Variants in CPEB3 observed in about 807,000 individuals in gnomAD.
The protein encoded by CPEB3 is cytoplasmic polyadenylation element binding protein 3, also known as cytoplasmic polyadenylation element-binding protein 3.
Under a neutral mutation model 67.2 loss-of-function variants are expected in CPEB3, and 20 were observed. The observed-to-expected ratio is 0.30, with a 90% CI of 0.21 to 0.43. The LOEUF (loss-of-function observed/expected upper bound fraction) is 0.43. Ranked by LOEUF, CPEB3 falls within the 20% of genes least tolerant of loss-of-function variation. CPEB3 has a pLI of 1.00. For synonymous variants in CPEB3, 376 were observed against 393.1 expected (o/e 0.96, Z 0.51); for missense variants, 746 against 968.6 (o/e 0.77, Z 3.05).
At chr10:92,163,718 A>G (rs1847606205) in intron 4 of CPEB3, among the ~76,000 whole-genome samples, 1 of 152,226 alleles carries the variant, frequency 6.6e-6, no homozygotes, top group African/African-American at 2.4e-5. Flanking sequence ...ATAATGGCAG[A>G]TAAGATACTT....
At position 92,091,957 on chromosome 10, in the gene CPEB3, T is replaced by C. The variant is rs1229578; in HGVS notation, c.1573-13A>G. On this transcript the variant is annotated splice_polypyrimidine_tract_variant and intron_variant, in intron 7 of 9. Coordinates refer to ENST00000265997, the MANE Select transcript of CPEB3 (RefSeq NM_014912.5). ...GTCGAATTTGCACCTGAAAAAAAGTTGTTTACTTGGTCCTTACTTCATTTC... is the reference window on the plus strand; with the variant it reads ...GTCGAATTTGCACCTGAAAAAAAGTCGTTTACTTGGTCCTTACTTCATTTC... 0.8 allele frequency: 1,251,140 copies of C among 1,563,814 alleles called. 506,049 individuals are homozygous for C. Among genetic ancestry groups the C allele is most frequent in the African/African-American group, 0.96 (71,025 of 74,006 alleles).
intron 9 of CPEB3, among the ~76,000 whole-genome samples, chr10:92,070,099 G>A (rs1459490838): frequency 6.6e-6 from 1 of 152,190 alleles, no homozygotes; most frequent in Non-Finnish European, 1.5e-5. Context: ...ATTTGAGCAT[G>A]AAAGAAGGAA....
At chr10:92,234,374 T>TA (rs1315421498) in intron 2 of CPEB3, among the ~76,000 whole-genome samples, 3 of 152,338 alleles carry the variant, frequency 2.0e-5, no homozygotes, top group African/African-American at 7.2e-5. Flanking sequence ...GTGGCATACT[T>TA]ACAGTCACTG....
rs565531653 is a variant in CPEB3 at position 92,194,463 on chromosome 10, T to C, written c.1006-1827A>G. The stretch of plus-strand genomic sequence containing the variant: ...AAAATTTAAAAATAAAAATGTGTTC[T>C]AAGTTGTATTCATGAAGATAATGGC... On this transcript the variant is annotated intron_variant, in intron 2 of 9. Coordinates refer to ENST00000265997, the MANE Select transcript of CPEB3 (RefSeq NM_014912.5). Among the ~76,000 whole-genome samples the C allele has an allele frequency of 2.8e-3, 421 of 152,050 alleles. 3 individuals carry two copies. The highest frequency in any genetic ancestry group is 9.8e-3 in the African/African-American group (405 of 41,482).
chr10:92,206,283 G>A (rs996576668), intron 2 of CPEB3, among the ~76,000 whole-genome samples: 3 of 151,926 alleles, frequency 2.0e-5, no homozygotes, highest in Non-Finnish European at 4.4e-5. Context: ...ATGTTGGTCA[G>A]GCTGGTCTCG....
At chr10:92,255,013 G>C (rs1182600258) in intron 1 of CPEB3, among the ~76,000 whole-genome samples, 2 of 151,870 alleles carry the variant, frequency 1.3e-5, no homozygotes, top group African/African-American at 4.8e-5. Context: ...CAGTTCTCTT[G>C]TCTGTAACTC....
At chr10:92,082,072 T>C (rs777101002) in intron 8 of CPEB3, among the ~76,000 whole-genome samples, 12 of 152,244 alleles carry the variant, frequency 7.9e-5, no homozygotes, top group Non-Finnish European at 1.6e-4. Context: ...GAACTCTCCA[T>C]ACTAACCTTT....
intron 1 of CPEB3, among the ~76,000 whole-genome samples, chr10:92,254,130 G>T (rs60079067): frequency 9.5e-4 from 145 of 152,054 alleles, no homozygotes; most frequent in African/African-American, 3.3e-3. Context: ...TCAGGAGGCT[G>T]AGGTGGGAGG....
At chr10:92,216,307 G>C in intron 2 of CPEB3, 1 of 1,575,228 alleles carries the variant, frequency 6.3e-7, no homozygotes, top group East Asian at 2.4e-5. Context: ...AGCCTCCCTG[G>C]GACTAGGTTT....
intron 6 of CPEB3, chr10:92,137,546 T>C (rs1160383786): frequency 2.3e-5 from 18 of 772,526 alleles, no homozygotes; most frequent in African/African-American, 5.1e-5. Context: ...AGGGACCCCA[T>C]TTGGATTCCT....
intron 6 of CPEB3, among the ~76,000 whole-genome samples, chr10:92,134,775 T>C (rs529024142): frequency 9.9e-5 from 15 of 152,040 alleles, no homozygotes; most frequent in African/African-American, 3.4e-4. Context: ...ACTACAAGGC[T>C]ACAGTAACCA....
intron 9 of CPEB3, among the ~76,000 whole-genome samples, chr10:92,059,881 C>CGG (rs1842271184): frequency 6.8e-6 from 1 of 147,762 alleles, no homozygotes; most frequent in Non-Finnish European, 1.5e-5. Context: ...CAGTTGAACC[C>CGG]GGGAGGCGGA....
At chr10:92,179,792 G>A (rs1350302552) in intron 4 of CPEB3, among the ~76,000 whole-genome samples, 1 of 152,154 alleles carries the variant, frequency 6.6e-6, no homozygotes, top group African/African-American at 2.4e-5. Context: ...AGTACTCATT[G>A]GTTGCATGTC....
intron 1 of CPEB3, among the ~76,000 whole-genome samples, chr10:92,254,663 T>G (rs960007839): frequency 2.6e-5 from 4 of 152,082 alleles, no homozygotes; most frequent in African/African-American, 9.7e-5. Context: ...AACATTTTTC[T>G]TTTTATACAG....
chr10:92,286,061 G>A (rs929842994), intron 1 of CPEB3, among the ~76,000 whole-genome samples: 23 of 150,934 alleles, frequency 1.5e-4, no homozygotes, highest in African/African-American at 4.9e-4. Context: ...TTGGCCTCCC[G>A]AGTAGCTGGG....
At chr10:92,282,691 A>G (rs72807288) in intron 1 of CPEB3, among the ~76,000 whole-genome samples, 18,120 of 152,048 alleles carry the variant, frequency 0.12, 1,308 homozygotes, top group Middle Eastern at 0.2. Context: ...TCTCAAAAAA[A>G]AAAGAAAGAA....
chr10:92,113,767 A>G (rs1204191598), intron 6 of CPEB3, among the ~76,000 whole-genome samples: 2 of 152,090 alleles, frequency 1.3e-5, no homozygotes, highest in East Asian at 1.9e-4. Context: ...TCCCTATAGC[A>G]GCTGAGCAGC....
chr10:92,287,064 T>C (rs1342645962), intron 1 of CPEB3, among the ~76,000 whole-genome samples: 1 of 152,188 alleles, frequency 6.6e-6, no homozygotes, highest in Non-Finnish European at 1.5e-5. Context: ...AATATATCTC[T>C]GAGGAAAAAG....
At chr10:92,222,261 T>C (rs942535149) in intron 2 of CPEB3, among the ~76,000 whole-genome samples, 1 of 151,806 alleles carries the variant, frequency 6.6e-6, no homozygotes, top group African/African-American at 2.4e-5. Flanking sequence ...GGTCTCGAAC[T>C]ACCGAGTTCA....
Sources: allele counts gnomAD v4.1 joint callset (sites outside exome capture counted in the v4.1 genomes callset), GRCh38; gene constraint gnomAD v4.1.1; transcripts MANE v1.5; gene names NCBI Gene and HGNC (gene_info 2026-07-23, HGNC 2026-07-21).